The following GLIS3 variants were observed in gnomAD, a reference collection of about 807,000 sequenced individuals.
The protein encoded by GLIS3 is zinc finger protein GLIS3.
In GLIS3, 53 loss-of-function variants were observed where a neutral mutation model predicts 78.6. The ratio of observed to expected loss-of-function variants is 0.67; its 90% CI spans 0.54 to 0.85. GLIS3 has a LOEUF of 0.85. Ranked by LOEUF, GLIS3 falls within the 40% of genes least tolerant of loss-of-function variation. The pLI is 0.00. For missense variants in GLIS3, 1,703 were observed against 1,231.1 expected, an observed-to-expected ratio of 1.38 and a Z score of -5.74; for synonymous variants, 684 against 509.9, an observed-to-expected ratio of 1.34 and a Z score of -4.60.
At chr9:3,855,249 C>T (rs866471001) in intron 9 of GLIS3, among the ~76,000 whole-genome samples, 1 of 152,118 alleles carries the variant, frequency 6.6e-6, no homozygotes, top group South Asian at 2.1e-4. Context: ...GCATATTCCC[C>T]ATTAAACACA....
At chr9:4,391,093 C>A in the GLIS3 span, among the ~76,000 whole-genome samples, 15 of 152,110 alleles carry the variant, frequency 9.9e-5, no homozygotes, top group Non-Finnish European at 1.8e-4. Context: ...CCCACCATCG[C>A]TGCCAGGATA....
At chr9:4,197,142 TG>T (rs1256479443) in intron 2 of GLIS3, among the ~76,000 whole-genome samples, 3 of 152,152 alleles carry the variant, frequency 2.0e-5, no homozygotes, top group African/African-American at 7.2e-5. Flanking sequence ...TGTGGTGCAG[TG>T]GGGCTCTCTG....
intron 2 of GLIS3, among the ~76,000 whole-genome samples, chr9:4,197,368 G>C (rs1040939370): frequency 1.3e-5 from 2 of 152,094 alleles, no homozygotes; most frequent in Non-Finnish European, 2.9e-5. Flanking sequence ...AGAGATCATG[G>C]TACAGGGAGG....
chr9:3,862,431 T>C (rs1258350186), intron 8 of GLIS3, among the ~76,000 whole-genome samples: 1 of 152,220 alleles, frequency 6.6e-6, no homozygotes, highest in Non-Finnish European at 1.5e-5. Context: ...ACATAGTATA[T>C]ACCTTTAGTC....
Position 4,073,021 on chromosome 9 carries a change from TAA to T in GLIS3, c.1710+44745_1710+44746del, listed in dbSNP as rs5896045. ...CACTTGGGTTTACTGCTTTTTTCTT[TAA>T]AAAAAAAAAAATTGGTCCCTTAAGT... On this transcript the variant is annotated intron_variant, in intron 4 of 10. Coordinates refer to ENST00000381971, the MANE Select transcript of GLIS3 (RefSeq NM_001042413.2). Among the ~76,000 whole-genome samples the T allele has an allele frequency of 5.6e-3, 837 of 149,022 alleles. 8 individuals are homozygous for T. Among genetic ancestry groups the T allele is most frequent in the African/African-American group, 0.018 (729 of 40,792 alleles).
At chr9:4,308,949 C>G (rs2130518346) in exon 4 of GLIS3, 1 of 152,320 alleles carries the variant, frequency 6.6e-6, no homozygotes, top group Non-Finnish European at 1.5e-5. Context: ...CACTTAAGCT[C>G]TTTGTGCCTG....
chr9:4,230,419 C>G (rs535203957), intron 2 of GLIS3, among the ~76,000 whole-genome samples: 1 of 152,280 alleles, frequency 6.6e-6, no homozygotes, highest in South Asian at 2.1e-4. Flanking sequence ...AAGCCAAAGA[C>G]TGAGGTAGGG....
intron 9 of GLIS3, among the ~76,000 whole-genome samples, chr9:3,829,940 C>T (rs1310113756): frequency 6.6e-6 from 1 of 152,200 alleles, no homozygotes; most frequent in Non-Finnish European, 1.5e-5. Context: ...CTTAAAAATG[C>T]ATCCATCTAT....
intron 2 of GLIS3, among the ~76,000 whole-genome samples, chr9:4,193,374 C>G (rs933330212): frequency 6.6e-6 from 1 of 152,138 alleles, no homozygotes; most frequent in Non-Finnish European, 1.5e-5. Flanking sequence ...ATCAGAAAGG[C>G]AGAGTTGGGT....
chr9:3,862,612 C>T (rs555712041), intron 8 of GLIS3, among the ~76,000 whole-genome samples: 1 of 152,154 alleles, frequency 6.6e-6, no homozygotes, highest in Non-Finnish European at 1.5e-5. Context: ...GTACTGTACG[C>T]ACAAGCAGTT....
At chr9:3,982,514 C>T (rs1450058319) in intron 4 of GLIS3, among the ~76,000 whole-genome samples, 5 of 152,248 alleles carry the variant, frequency 3.3e-5, no homozygotes, top group East Asian at 1.9e-4. Flanking sequence ...TAACCCATGA[C>T]GGAAAACACA....
chr9:4,245,817 T>C (rs144039140), intron 2 of GLIS3, among the ~76,000 whole-genome samples: 26 of 152,344 alleles, frequency 1.7e-4, no homozygotes, highest in African/African-American at 5.8e-4. Flanking sequence ...GTGCCCTGTA[T>C]TGATGCAAGG....
chr9:4,394,401 T>A, the GLIS3 span, among the ~76,000 whole-genome samples: 1 of 152,148 alleles, frequency 6.6e-6, no homozygotes, highest in Non-Finnish European at 1.5e-5. Flanking sequence ...GGGGTGGTTG[T>A]GAGTCTTCAT....
the GLIS3 span, among the ~76,000 whole-genome samples, chr9:4,486,058 TCAAA>T: frequency 6.6e-6 from 1 of 152,218 alleles, no homozygotes; most frequent in Admixed American, 6.5e-5. Flanking sequence ...TTTTATTATT[TCAAA>T]ATGTTTGTAT....
chr9:4,308,204 G>A (rs1404320920), intron 4 of GLIS3, among the ~76,000 whole-genome samples: 1 of 152,032 alleles, frequency 6.6e-6, no homozygotes, highest in Non-Finnish European at 1.5e-5. Flanking sequence ...ACTTTCTGCT[G>A]GAAGGACAGG....
At chr9:4,177,597 C>G (rs10114987) in intron 2 of GLIS3, among the ~76,000 whole-genome samples, 3,074 of 152,280 alleles carry the variant, frequency 0.02, 84 homozygotes, top group African/African-American at 0.07. Context: ...TAAAATCCTA[C>G]TGAGCTTGTT....
At chr9:4,115,218 A>G (rs1482843027) in intron 4 of GLIS3, among the ~76,000 whole-genome samples, 1 of 152,236 alleles carries the variant, frequency 6.6e-6, no homozygotes, top group Non-Finnish European at 1.5e-5. Context: ...GACTAACTCT[A>G]TCATACACAG....
chr9:4,343,604 AC>A (rs1383940589), intron 2 of GLIS3, among the ~76,000 whole-genome samples: 1 of 152,226 alleles, frequency 6.6e-6, no homozygotes, highest in Non-Finnish European at 1.5e-5. Context: ...CCATAAAGAC[AC>A]ATGCACATGT....
chr9:4,413,063 C>G, the GLIS3 span, among the ~76,000 whole-genome samples: 1 of 152,200 alleles, frequency 6.6e-6, no homozygotes, highest in African/African-American at 2.4e-5. Context: ...CAACATCTAG[C>G]ACTACCCTAA....
Sources: gnomAD v4.1 joint callset for allele counts (sites outside exome capture counted in the v4.1 genomes callset) on GRCh38, gnomAD v4.1.1 for gene constraint, MANE v1.5 for transcripts, NCBI Gene and HGNC (gene_info 2026-07-23, HGNC 2026-07-21) for gene names.